The following EED variants were observed in gnomAD, a reference collection of about 807,000 sequenced individuals.
The protein encoded by EED is embryonic ectoderm development.
Under a neutral mutation model 61.0 loss-of-function variants are expected in EED, and 9 were observed. The ratio of observed to expected loss-of-function variants is 0.15; its 90% CI spans 0.09 to 0.26. The LOEUF (loss-of-function observed/expected upper bound fraction) is 0.26, where lower values mean the gene tolerates loss of function less well. EED is among the 10% of genes least tolerant of loss of function. The probability of loss-of-function intolerance (pLI) is 1.00; values close to 1 mark genes in which losing one functional copy is unlikely to be tolerated. For missense variants in EED, 315 were observed against 542.3 expected, an observed-to-expected ratio of 0.58 and a Z score of 4.16; for synonymous variants, 187 against 174.4, an observed-to-expected ratio of 1.07 and a Z score of -0.57.
intron 9 of EED, among the ~76,000 whole-genome samples, chr11:86,269,495 C>T (rs1318658109): frequency 6.6e-6 from 1 of 152,102 alleles, no homozygotes; most frequent in Non-Finnish European, 1.5e-5. Flanking sequence ...TTGGGCAGAG[C>T]CTGATTTACT....
At chr11:86,287,595 A>G in the EED span, among the ~76,000 whole-genome samples, 2 of 152,222 alleles carry the variant, frequency 1.3e-5, no homozygotes. Context: ...TCCGAAACCA[A>G]TAAACTGGGT....
In EED at chr11:86,269,187, TCA is replaced by T. The variant is rs1946053650; in HGVS notation, c.966+629_966+630del. On this transcript the variant is annotated intron_variant, in intron 9 of 11. Transcript: ENST00000263360. ...GTTTTATAATAAAGCATTGAATATC[TCA>T]CATACTGCATACTGCTAGCCCAGGA... Among the ~76,000 whole-genome samples the T allele has an allele frequency of 2.0e-5, 3 of 152,328 alleles. No individual in the cohort carries two copies. The South Asian group carries it at 6.2e-4, about 32-fold the overall frequency.
At chr11:86,272,736 A>G (rs967705099) in intron 9 of EED, among the ~76,000 whole-genome samples, 1 of 152,102 alleles carries the variant, frequency 6.6e-6, no homozygotes, top group African/African-American at 2.4e-5. Context: ...TCTTTTTTCA[A>G]ACTTTTAATC....
intron 9 of EED, chr11:86,270,090 G>A (rs536944990): frequency 1.0e-5 from 7 of 698,790 alleles, no homozygotes; most frequent in South Asian, 4.5e-5. Context: ...CAGAGTGGCC[G>A]TGCCATTTTA....
intron 1 of EED, among the ~76,000 whole-genome samples, chr11:86,247,967 C>T (rs1945432556): frequency 6.6e-6 from 1 of 152,162 alleles, no homozygotes; most frequent in Admixed American, 6.5e-5. Context: ...TTGGCTTCTG[C>T]GAGAGTACTA....
Position 86,266,121 on chromosome 11 carries a change from T to A in EED, c.765T>A (p.Gly255=). The A allele has an allele frequency of 6.2e-7, 1 of 1,607,974 alleles. No homozygotes were observed. The highest frequency in any genetic ancestry group is 8.5e-7 in the Non-Finnish European group (1 of 1,176,190). Residue 255 remains glycine (G), a synonymous_variant, in exon 8 of 12, where the codon GGT becomes GGA. Transcript: ENST00000263360. ...TGGGTGAAAAAATAATGTCCTGTGG[T>A]ATGGATCATTCTCTTAAACTTTGGA... ...DLLGEKIMSC[G]MDHSLKLWRI... is the part of the protein sequence containing the mutation.
chr11:86,252,708 G>T (rs1231004037), intron 3 of EED, among the ~76,000 whole-genome samples: 1 of 151,888 alleles, frequency 6.6e-6, no homozygotes, highest in African/African-American at 2.4e-5. Flanking sequence ...AGTTTGCTGG[G>T]TTTTTTTGTT....
At chr11:86,256,323 A>T in intron 4 of EED, 64 bp from the exon 5 acceptor site, 1 of 1,409,944 alleles carries the variant, frequency 7.1e-7, no homozygotes. Flanking sequence ...ATAAGTTTCT[A>T]TTATAATTAT....
intron 6 of EED, among the ~76,000 whole-genome samples, chr11:86,258,655 A>T (rs1439817793): frequency 6.8e-6 from 1 of 147,792 alleles, no homozygotes; most frequent in East Asian, 2.0e-4. Flanking sequence ...TCCCGGGTTT[A>T]AGAGATTCTC....
At chr11:86,252,307 A>G in intron 3 of EED, 67 bp downstream of exon 3, 1 of 1,133,890 alleles carries the variant, frequency 8.8e-7, no homozygotes, top group South Asian at 1.6e-5. Context: ...GTAATATTGA[A>G]ATAGAATAAT....
At chr11:86,247,942 A>G (rs960720117) in intron 1 of EED, among the ~76,000 whole-genome samples, 4 of 152,226 alleles carry the variant, frequency 2.6e-5, no homozygotes, top group African/African-American at 4.8e-5. Context: ...TTGAGATCAT[A>G]TGACTGCAGA....
intron 1 of EED, among the ~76,000 whole-genome samples, chr11:86,248,220 A>G (rs1945439474): frequency 6.6e-6 from 1 of 152,236 alleles, no homozygotes; most frequent in African/African-American, 2.4e-5. Context: ...CTCAGCAAAG[A>G]CTTGATTTTA....
chr11:86,277,765 GA>G, intron 10 of EED, 152 bp from the exon 11 acceptor site: 1 of 526,516 alleles, frequency 1.9e-6, no homozygotes, highest in Non-Finnish European at 3.0e-6. Flanking sequence ...TCATATTTAC[GA>G]ATCAGGAGTA....
At chr11:86,275,284 G>A (rs990393705) in intron 9 of EED, among the ~76,000 whole-genome samples, 1 of 152,190 alleles carries the variant, frequency 6.6e-6, no homozygotes, top group Admixed American at 6.5e-5. Context: ...ACCAGCAGAA[G>A]TAAAAAGCTA....
rs1437698501 is a variant in EED at position 86,278,579 on chromosome 11, A to G, written c.*54A>G. 1.9e-6 allele frequency: 3 copies of G among 1,591,298 alleles called. No individual in the cohort carries two copies. In the African/African-American group the frequency reaches 4.0e-5, roughly 21 times the overall value. On this transcript the variant is annotated 3_prime_UTR_variant, in exon 12 of 12. Coordinates refer to ENST00000263360, the MANE Select transcript of EED (RefSeq NM_003797.5). The stretch of plus-strand genomic sequence containing the variant: ...GTGTTTGTTGTCTGTGTAAAATAGA[A>G]TTAATGTATCTTGCTAGTAAGGGCA...
chr11:86,250,171 A>AT, intron 1 of EED, 125 bp from the exon 2 acceptor site: 2 of 852,092 alleles, frequency 2.3e-6, no homozygotes, highest in Non-Finnish European at 3.3e-6. Flanking sequence ...GGAGGCAAGA[A>AT]TACATTTTTT....
chr11:86,252,862 T>C (rs1945570577), intron 3 of EED, among the ~76,000 whole-genome samples: 1 of 152,104 alleles, frequency 6.6e-6, no homozygotes, highest in African/African-American at 2.4e-5. Flanking sequence ...GGGGCTCAGG[T>C]GATCCTCCCA....
At chr11:86,285,785 A>G in the EED span, among the ~76,000 whole-genome samples, 1 of 151,410 alleles carries the variant, frequency 6.6e-6, no homozygotes, top group Admixed American at 6.6e-5. Flanking sequence ...TTTAGTAGAG[A>G]CAGGGTTTCA....
At position 86,273,979 on chromosome 11, in the gene EED, A is replaced by G. The variant is rs1946173430; in HGVS notation, c.967-3001A>G. 6.6e-5 allele frequency among the ~76,000 whole-genome samples: 10 copies of G among 152,306 alleles called. No individual in the cohort carries two copies. In the South Asian group the frequency reaches 2.1e-3, roughly 32 times the overall value. Reference sequence around the variant, plus strand: ...CTGTAGTAGATTGATGTTTTGTCCCAGGTTTGGAAAGTTTTCAGCCATTAC... The same window carrying G: ...CTGTAGTAGATTGATGTTTTGTCCCGGGTTTGGAAAGTTTTCAGCCATTAC... On this transcript the variant is annotated intron_variant, in intron 9 of 11. Coordinates refer to ENST00000263360, the MANE Select transcript of EED (RefSeq NM_003797.5).
Sources: gnomAD v4.1 joint callset for allele counts (sites outside exome capture counted in the v4.1 genomes callset) on GRCh38, gnomAD v4.1.1 for gene constraint, MANE v1.5 for transcripts, NCBI Gene and HGNC (gene_info 2026-07-23, HGNC 2026-07-21) for gene names.